SV2C: variants seen among roughly 807,000 people sequenced by gnomAD.
SV2C encodes synaptic vesicle glycoprotein 2C, also known as solute carrier family 22 member B3.
SV2C carries 49 observed loss-of-function variants against 79.7 expected under a neutral mutation model. That is an observed-to-expected ratio of 0.61 (90% CI 0.49 to 0.78). SV2C has a LOEUF of 0.78. Among genes scored for constraint, SV2C ranks in the 30% least tolerant of loss-of-function variants. The probability of loss-of-function intolerance (pLI) is 0.00; values close to 1 mark genes in which losing one functional copy is unlikely to be tolerated. For synonymous variants in SV2C, 334 were observed against 333.2 expected (o/e 1.00, Z -0.03); for missense variants, 833 against 912.9 (o/e 0.91, Z 1.13).
the SV2C span, among the ~76,000 whole-genome samples, chr5:75,973,876 A>G: frequency 6.6e-6 from 1 of 152,010 alleles, no homozygotes; most frequent in Non-Finnish European, 1.5e-5. Flanking sequence ...AATTGAGAAC[A>G]TTTCTGCCTC....
At chr5:75,872,824 G>A in the SV2C span, among the ~76,000 whole-genome samples, 4 of 151,946 alleles carry the variant, frequency 2.6e-5, no homozygotes, top group South Asian at 2.1e-4. Context: ...ACGAGTTAAT[G>A]GGTGCAGCAC....
At chr5:75,971,916 C>G in the SV2C span, among the ~76,000 whole-genome samples, 1 of 152,110 alleles carries the variant, frequency 6.6e-6, no homozygotes, top group African/African-American at 2.4e-5. Flanking sequence ...CACTACCTGA[C>G]TTCAAACTAT....
At chr5:76,335,293 TC>T (rs926523266), downstream of SV2C, among the ~76,000 whole-genome samples, 5 of 152,078 alleles carry the variant, frequency 3.3e-5, no homozygotes, top group African/African-American at 1.2e-4. Context: ...GCAATTTCTT[TC>T]CCCCTTTTCT....
chr5:76,159,253 C>G (rs976524999), intron 2 of SV2C, among the ~76,000 whole-genome samples: 3 of 151,998 alleles, frequency 2.0e-5, no homozygotes, highest in Admixed American at 1.3e-4. Context: ...TATTTCTAGT[C>G]AACATTGTAC....
chr5:76,049,007 G>GAAAGAAAGAAAGAA, the SV2C span, among the ~76,000 whole-genome samples: 1 of 88,838 alleles, frequency 1.1e-5, no homozygotes, highest in African/African-American at 3.9e-5. Flanking sequence ...AAGAAAGAAA[G>GAAAGAAAGAAAGAA]AAAGAAAGAA....
intron 4 of SV2C, among the ~76,000 whole-genome samples, chr5:76,236,444 C>A (rs141958447): frequency 5.9e-5 from 9 of 152,140 alleles, no homozygotes; most frequent in Non-Finnish European, 1.3e-4. Context: ...TGCCTATAAT[C>A]CCAGCTACTC....
chr5:76,342,728 C>A lies in SV2C; in HGVS notation c.2001-10402C>A, dbSNP rs890441582. On this transcript the variant is annotated intron_variant, in intron 12 of 12. Coordinates refer to the SV2C transcript ENST00000322285. ...ACCTCTCTGGGCCTCAATTCCTCAT[C>A]TGTAAAACGAGGATACTTATTTGGG... Among the ~76,000 whole-genome samples the A allele has an allele frequency of 2.6e-5, 4 of 152,202 alleles. No individual in the cohort carries two copies. In the East Asian group the frequency reaches 5.8e-4, roughly 22 times the overall value.
chr5:76,141,792 C>G (rs565315557), intron 2 of SV2C, among the ~76,000 whole-genome samples: 2 of 136,532 alleles, frequency 1.5e-5, no homozygotes, highest in Admixed American at 1.6e-4. Context: ...CCACTGCACT[C>G]CAGCCTGGGT....
chr5:76,234,698 T>C (rs895392947), intron 4 of SV2C, among the ~76,000 whole-genome samples: 1 of 152,248 alleles, frequency 6.6e-6, no homozygotes, highest in African/African-American at 2.4e-5. Flanking sequence ...GGTTTCATTT[T>C]AGGGAAAAGG....
At chr5:76,104,571 A>C (rs879799708) in intron 1 of SV2C, among the ~76,000 whole-genome samples, 14 of 152,222 alleles carry the variant, frequency 9.2e-5, no homozygotes. Context: ...TCTTCAATAG[A>C]TACTAGTGAA....
At chr5:76,039,756 CAAAA>C in the SV2C span, among the ~76,000 whole-genome samples, 10 of 119,080 alleles carry the variant, frequency 8.4e-5, no homozygotes, top group Admixed American at 1.7e-4. Flanking sequence ...AACTCCATCT[CAAAA>C]AAAAAAAAAA....
intron 2 of SV2C, among the ~76,000 whole-genome samples, chr5:76,190,794 A>G (rs1457511976): frequency 6.6e-6 from 1 of 152,220 alleles, no homozygotes; most frequent in African/African-American, 2.4e-5. Flanking sequence ...ATGAAGCATT[A>G]TTTGAGTAAC....
At chr5:75,986,702 A>G in the SV2C span, among the ~76,000 whole-genome samples, 1 of 152,034 alleles carries the variant, frequency 6.6e-6, no homozygotes, top group Non-Finnish European at 1.5e-5. Context: ...CACTGGTTCC[A>G]TTCATAACCT....
At chr5:75,911,542 C>T in the SV2C span, 3 of 668,224 alleles carry the variant, frequency 4.5e-6, no homozygotes, top group African/African-American at 5.4e-5. Context: ...GACTGAGACT[C>T]CAAGTCCTAG....
intron 2 of SV2C, among the ~76,000 whole-genome samples, chr5:76,163,924 C>T (rs1487556738): frequency 5.3e-5 from 8 of 152,132 alleles, no homozygotes; most frequent in Non-Finnish European, 7.4e-5. Context: ...CTGAGCTCTT[C>T]GGTTAGGGAC....
chr5:76,091,087 C>T (rs1003697179), intron 1 of SV2C, among the ~76,000 whole-genome samples: 1 of 152,178 alleles, frequency 6.6e-6, no homozygotes, highest in Admixed American at 6.5e-5. Flanking sequence ...GAGCCATTGT[C>T]GTGTTTGCCC....
the SV2C span, among the ~76,000 whole-genome samples, chr5:75,854,856 C>G: frequency 6.6e-6 from 1 of 152,084 alleles, no homozygotes; most frequent in Non-Finnish European, 1.5e-5. Context: ...GTGTTTAGGA[C>G]TATCATTTAT....
the SV2C span, among the ~76,000 whole-genome samples, chr5:76,040,290 A>G: frequency 1.2e-4 from 19 of 152,218 alleles, no homozygotes; most frequent in Non-Finnish European, 2.5e-4. Context: ...AGCCAATGCA[A>G]AAAGGAAAGA....
At chr5:76,319,278 G>A (rs895387672) in intron 12 of SV2C, among the ~76,000 whole-genome samples, 2 of 151,726 alleles carry the variant, frequency 1.3e-5, no homozygotes, top group East Asian at 3.9e-4. Context: ...AATTGCCCGT[G>A]TGCGGCAGTG....
Sources: allele counts gnomAD v4.1 joint callset (sites outside exome capture counted in the v4.1 genomes callset), GRCh38; gene constraint gnomAD v4.1.1; transcripts MANE v1.5; gene names NCBI Gene and HGNC (gene_info 2026-07-23, HGNC 2026-07-21).